The following HDX variants were observed in gnomAD, a reference collection of about 807,000 sequenced individuals.
HDX encodes chromosome X open reading frame 43.
A neutral mutation model predicts 45.2 loss-of-function variants in HDX; 19 were observed. The observed-to-expected ratio is 0.42, with a 90% CI of 0.29 to 0.62. HDX has a LOEUF of 0.62. Among genes scored for constraint, HDX ranks in the 20% least tolerant of loss-of-function variants. HDX has a pLI of 0.20. For synonymous variants in HDX, 188 were observed against 172.8 expected, an observed-to-expected ratio of 1.09 and a Z score of -0.69; for missense variants, 532 against 493.9, an observed-to-expected ratio of 1.08 and a Z score of -0.73.
chrX:84,404,977 T>G (rs1244024386), intron 5 of HDX, among the ~76,000 whole-genome samples: 3 of 111,369 alleles, frequency 2.7e-5, no homozygotes, highest in Non-Finnish European at 3.8e-5. Context: ...GTATGAAAAT[T>G]TTAATATAAG....
Position 84,320,825 on chromosome X carries a change from A to AT in HDX, c.*1063dup, listed in dbSNP as rs1256755538. The AT allele has an allele frequency of 9.1e-6, 1 of 110,410 alleles. No individual in the cohort carries two copies. Among genetic ancestry groups the AT allele is most frequent in the Non-Finnish European group, 1.9e-5 (1 of 52,279 alleles). 9.1% of individuals were successfully genotyped at this position (110,410 alleles called of 1,213,427 possible). ...TAATAGAAAACTGGGTAGCTTGCCC[A>AT]TTTTAGGTGTGTACTCATAGAATAG... is the stretch of plus-strand genomic sequence containing the variant. On this transcript the variant is annotated 3_prime_UTR_variant, in exon 11 of 11. Coordinates refer to ENST00000373177, the MANE Select transcript of HDX (RefSeq NM_001177479.2).
chrX:84,325,497 C>G (rs899671595), intron 10 of HDX, among the ~76,000 whole-genome samples: 1 of 111,299 alleles, frequency 9.0e-6, no homozygotes, highest in Non-Finnish European at 1.9e-5. Context: ...TAGTTTTTAG[C>G]AGGCTTAACA....
chrX:84,407,177 C>T (rs1210170177), intron 5 of HDX, among the ~76,000 whole-genome samples: 2 of 110,908 alleles, frequency 1.8e-5, no homozygotes, highest in African/African-American at 3.3e-5. Flanking sequence ...AGCATAGTAC[C>T]TGATAGGTAA....
intron 5 of HDX, among the ~76,000 whole-genome samples, chrX:84,368,232 G>A (rs935593768): frequency 9.0e-6 from 1 of 111,317 alleles, no homozygotes; most frequent in Non-Finnish European, 1.9e-5. Context: ...CTCATTTAAA[G>A]AATCATGGTT....
intron 6 of HDX, among the ~76,000 whole-genome samples, chrX:84,360,363 T>C (rs1353764643): frequency 8.9e-6 from 1 of 112,314 alleles, no homozygotes; most frequent in African/African-American, 3.2e-5. Context: ...CTATCATTCA[T>C]TATATGAGAT....
intron 5 of HDX, among the ~76,000 whole-genome samples, chrX:84,365,849 T>C (rs1343601605): frequency 9.0e-6 from 1 of 111,292 alleles, no homozygotes; most frequent in Non-Finnish European, 1.9e-5. Context: ...TAATAAGAGC[T>C]ATTTATGACA....
chrX:84,405,767 C>G (rs1362561466), intron 5 of HDX, among the ~76,000 whole-genome samples: 1 of 108,120 alleles, frequency 9.2e-6, no homozygotes, highest in Non-Finnish European at 1.9e-5. Context: ...GAATCATCAA[C>G]TATAAATCCT....
chrX:84,383,621 G>A (rs1276430424), intron 5 of HDX, among the ~76,000 whole-genome samples: 2 of 111,131 alleles, frequency 1.8e-5, no homozygotes, highest in Non-Finnish European at 3.8e-5. Flanking sequence ...GGATGTACAT[G>A]CACAGGTTTG....
chrX:84,478,598 T>C (rs1260974717), intron 2 of HDX, among the ~76,000 whole-genome samples: 1 of 112,102 alleles, frequency 8.9e-6, no homozygotes, highest in African/African-American at 3.2e-5. Flanking sequence ...ATATTCTAAA[T>C]GGGATGACGC....
intron 4 of HDX, among the ~76,000 whole-genome samples, chrX:84,447,070 G>C (rs1299877268): frequency 4.5e-5 from 5 of 111,901 alleles, no homozygotes; most frequent in Non-Finnish European, 9.4e-5. Context: ...ACCTCAGAGA[G>C]ACTGAAGACC....
intron 10 of HDX, 92 bp from the exon 11 acceptor site, chrX:84,322,106 T>C (rs2036609855): frequency 1.9e-6 from 1 of 527,755 alleles, no homozygotes; most frequent in Non-Finnish European, 2.8e-6. Context: ...TGGTGAATTA[T>C]CCTTATGGAT....
chrX:84,440,573 G>T lies in HDX; in HGVS notation c.1264C>A (p.Leu422Ile). 1 of 1,175,988 alleles carries T rather than the reference G, an allele frequency of 8.5e-7. No homozygotes were observed. Among genetic ancestry groups the T allele is most frequent in the East Asian group, 3.0e-5 (1 of 33,249 alleles). Residue 422 changes from leucine to isoleucine, a missense_variant, in exon 5 of 11, where the codon CTT becomes ATT. Physicochemically the swap from Leu to Ile is conservative, Grantham distance 5. This residue lies in a region of HDX where 376 missense variants were observed against 343.7 expected (regional missense o/e 1.09). Transcript: ENST00000373177. The stretch of plus-strand genomic sequence containing the variant: ...CACCCTGTAATCCAAGGCACAGTAA[G>T]GTTTCCTGAAATCTGTGAAAACAAT... The part of the protein sequence containing the change: ...NQNNYQISGN[L>I]TVPWITGCSR...
intron 1 of HDX, among the ~76,000 whole-genome samples, chrX:84,493,212 G>A (rs954996333): frequency 8.9e-6 from 1 of 112,072 alleles, no homozygotes; most frequent in Non-Finnish European, 1.9e-5. Context: ...ACAGACATCT[G>A]TTTATTCTAA....
At chrX:84,323,233 T>C (rs2036635696) in intron 10 of HDX, among the ~76,000 whole-genome samples, 2 of 111,084 alleles carry the variant, frequency 1.8e-5, no homozygotes, top group African/African-American at 6.5e-5. Context: ...GAACTGAGAG[T>C]ATATACACAG....
chrX:84,488,326 C>A (rs1220642524), intron 1 of HDX, among the ~76,000 whole-genome samples, 194 bp from the exon 2 acceptor site: 1 of 8,444 alleles, frequency 1.2e-4, no homozygotes, highest in Non-Finnish European at 2.5e-4. Context: ...AAATCTAAAA[C>A]ACACACACAC....
intron 4 of HDX, among the ~76,000 whole-genome samples, chrX:84,450,070 C>T (rs1299155774): frequency 3.7e-5 from 4 of 107,053 alleles, no homozygotes; most frequent in East Asian, 5.8e-4. Context: ...CAAACCTGCA[C>T]GTTGTGCGCA....
chrX:84,344,605 C>A, intron 6 of HDX, 148 bp from the exon 7 acceptor site: 3 of 391,766 alleles, frequency 7.7e-6, no homozygotes, highest in Non-Finnish European at 1.3e-5. Flanking sequence ...TGTCAATACG[C>A]TAAAATAAAA....
chrX:84,449,406 A>T (rs1462161869), intron 4 of HDX, among the ~76,000 whole-genome samples: 1 of 111,772 alleles, frequency 8.9e-6, no homozygotes, highest in Non-Finnish European at 1.9e-5. Flanking sequence ...AGAGATTCTG[A>T]AAACAGCAAG....
chrX:84,335,185 T>C (rs2036934425), intron 8 of HDX, among the ~76,000 whole-genome samples: 1 of 110,635 alleles, frequency 9.0e-6, no homozygotes, highest in African/African-American at 3.3e-5. Flanking sequence ...ATGCCAGCTC[T>C]TCCAAGACCT....
Sources: gnomAD v4.1 joint callset for allele counts (sites outside exome capture counted in the v4.1 genomes callset) on GRCh38, gnomAD v4.1.1 for gene constraint, gnomAD v4.1.1 regional missense constraint, MANE v1.5 for transcripts, NCBI Gene and HGNC (gene_info 2026-07-23, HGNC 2026-07-21) for gene names.